Variants in TIAM1 observed in about 807,000 individuals in gnomAD.
The protein encoded by TIAM1 is TIAM Rac1 associated GEF 1.
Under a neutral mutation model 163.5 loss-of-function variants are expected in TIAM1, and 65 were observed. That is an observed-to-expected ratio of 0.40 (90% CI 0.33 to 0.49). The LOEUF is 0.49. TIAM1 is among the 20% of genes least tolerant of loss of function. TIAM1 has a pLI of 0.77. For synonymous variants in TIAM1, 833 were observed against 810.1 expected (o/e 1.03, Z -0.48); for missense variants, 1,789 against 2,044.7 (o/e 0.87, Z 2.41).
intron 23 of TIAM1, among the ~76,000 whole-genome samples, chr21:31,133,463 C>T (rs902185861): frequency 4.6e-5 from 7 of 152,216 alleles, no homozygotes; most frequent in African/African-American, 1.7e-4. Flanking sequence ...TTCCTGGAGA[C>T]AGCACCCACA....
At chr21:31,502,938 T>C (rs2046893938) in intron 1 of TIAM1, among the ~76,000 whole-genome samples, 2 of 152,144 alleles carry the variant, frequency 1.3e-5, no homozygotes, top group South Asian at 4.1e-4. Flanking sequence ...GAAATTGACT[T>C]GGCAGGGGCC....
At chr21:31,436,436 G>C (rs2044211395) in intron 2 of TIAM1, among the ~76,000 whole-genome samples, 1 of 152,062 alleles carries the variant, frequency 6.6e-6, no homozygotes. Context: ...AGACCAACCT[G>C]GCCAATATGG....
intron 1 of TIAM1, among the ~76,000 whole-genome samples, chr21:31,554,981 G>A (rs2048824219): frequency 6.6e-6 from 1 of 152,168 alleles, no homozygotes; most frequent in Admixed American, 6.5e-5. Context: ...GGAGGGTGTG[G>A]AGGACGGTGC....
chr21:31,558,077 G>A (rs1243106441), intron 1 of TIAM1, among the ~76,000 whole-genome samples: 1 of 152,282 alleles, frequency 6.6e-6, no homozygotes, highest in East Asian at 1.9e-4. Flanking sequence ...AGCGGCAGCC[G>A]CCGGGGCTGG....
At chr21:31,149,649 T>C (rs2083289886) in intron 19 of TIAM1, among the ~76,000 whole-genome samples, 1 of 152,220 alleles carries the variant, frequency 6.6e-6, no homozygotes, top group Non-Finnish European at 1.5e-5. Flanking sequence ...TGTTAGCTAC[T>C]TTAGGTTAAA....
At chr21:31,261,889 C>T (rs1356641905) in intron 4 of TIAM1, among the ~76,000 whole-genome samples, 1 of 152,150 alleles carries the variant, frequency 6.6e-6, no homozygotes, top group African/African-American at 2.4e-5. Flanking sequence ...TCTCCTGAGG[C>T]TGAGGTTCCC....
intron 2 of TIAM1, among the ~76,000 whole-genome samples, chr21:31,393,613 C>T (rs898921463): frequency 6.6e-5 from 10 of 152,138 alleles, no homozygotes; most frequent in African/African-American, 2.2e-4. Flanking sequence ...TAAAGTATAT[C>T]TGAATTTTTT....
chr21:31,492,788 C>CTT (rs2046513424), intron 1 of TIAM1, among the ~76,000 whole-genome samples: 1 of 72,992 alleles, frequency 1.4e-5, no homozygotes, highest in Admixed American at 1.6e-4. Context: ...CACACACACA[C>CTT]ACACACACAC....
chr21:31,362,648 G>C (rs1569266131), intron 2 of TIAM1, among the ~76,000 whole-genome samples: 1 of 151,780 alleles, frequency 6.6e-6, no homozygotes, highest in East Asian at 1.9e-4. Context: ...TGTATTTTTA[G>C]TAGAGATGGG....
rs189508250 is a variant in TIAM1 at position 31,227,061 on chromosome 21, A to C, written c.1585-1111T>G. On this transcript the variant is annotated intron_variant, in intron 6 of 27. Transcript: ENST00000541036. ...AGCCTCTGCCTCCCAGGTCCAAGCA[A>C]TTCTCATACCTCAGCCTCCCGAGTA... is the stretch of plus-strand genomic sequence containing the variant. Among the ~76,000 whole-genome samples the C allele has an allele frequency of 6.8e-3, 1,031 of 150,820 alleles. 5 individuals are homozygous for C. The highest frequency in any genetic ancestry group is 0.024 in the African/African-American group (981 of 40,986).
chr21:31,354,891 C>T (rs967140529), intron 2 of TIAM1, among the ~76,000 whole-genome samples: 3 of 152,142 alleles, frequency 2.0e-5, no homozygotes, highest in Admixed American at 6.5e-5. Context: ...GGCTGGCAGA[C>T]GCCAAGATAA....
At chr21:31,182,014 C>T (rs1218836578) in intron 15 of TIAM1, among the ~76,000 whole-genome samples, 2 of 150,402 alleles carry the variant, frequency 1.3e-5, no homozygotes, top group Non-Finnish European at 3.0e-5. Flanking sequence ...AAACTCCTGA[C>T]CTCAAGGTAT....
chr21:31,181,973 A>G (rs567169560), intron 15 of TIAM1, among the ~76,000 whole-genome samples: 4 of 147,926 alleles, frequency 2.7e-5, no homozygotes, highest in African/African-American at 9.9e-5. Flanking sequence ...TTGGAGAGAT[A>G]GAGTCTCGTT....
intron 2 of TIAM1, among the ~76,000 whole-genome samples, chr21:31,291,404 G>A (rs890553043): frequency 6.6e-6 from 1 of 152,126 alleles, no homozygotes; most frequent in Non-Finnish European, 1.5e-5. Flanking sequence ...ATGATGGAAG[G>A]AGCTCTCCTT....
chr21:31,462,368 A>C (rs1262024229), intron 2 of TIAM1, among the ~76,000 whole-genome samples: 1 of 152,180 alleles, frequency 6.6e-6, no homozygotes, highest in Non-Finnish European at 1.5e-5. Flanking sequence ...AGATACACTT[A>C]AGACACTCCT....
At chr21:31,265,201 CTTTT>C (rs781091105) in intron 4 of TIAM1, among the ~76,000 whole-genome samples, 3,650 of 109,828 alleles carry the variant, frequency 0.033, 117 homozygotes, top group African/African-American at 0.11. Flanking sequence ...CTTTCAAAAT[CTTTT>C]TTTTTTTTTT....
At chr21:31,328,250 C>T (rs761464393) in intron 2 of TIAM1, among the ~76,000 whole-genome samples, 6 of 152,188 alleles carry the variant, frequency 3.9e-5, no homozygotes, top group Admixed American at 6.5e-5. Flanking sequence ...TAACTACAGT[C>T]GCCATTCCCT....
chr21:31,245,122 C>T (rs772088283), intron 6 of TIAM1, among the ~76,000 whole-genome samples: 14 of 151,946 alleles, frequency 9.2e-5, no homozygotes, highest in Non-Finnish European at 1.5e-4. Context: ...TTTTTGACAG[C>T]TCAAATCATG....
intron 3 of TIAM1, among the ~76,000 whole-genome samples, chr21:31,267,221 T>C (rs2072828352): frequency 6.6e-6 from 1 of 152,214 alleles, no homozygotes; most frequent in East Asian, 1.9e-4. Flanking sequence ...AATGAGCTCA[T>C]AAATATGAGC....
Sources: allele counts gnomAD v4.1 joint callset (sites outside exome capture counted in the v4.1 genomes callset), GRCh38; gene constraint gnomAD v4.1.1; transcripts MANE v1.5; gene names NCBI Gene and HGNC (gene_info 2026-07-23, HGNC 2026-07-21).